ZNF823: variants seen among roughly 807,000 people sequenced by gnomAD.
ZNF823 encodes the protein zinc finger protein 823, also known as ZFP 36 for a zinc finger protein.
A neutral mutation model predicts 11.4 loss-of-function variants in ZNF823; 5 were observed. The observed-to-expected ratio is 0.44, with a 90% CI of 0.23 to 0.92. The LOEUF is 0.92. ZNF823 is among the 40% of genes least tolerant of loss of function. ZNF823 has a pLI of 0.24. For synonymous variants in ZNF823, 234 were observed against 250.5 expected, an observed-to-expected ratio of 0.93 and a Z score of 0.62; for missense variants, 582 against 738.5, an observed-to-expected ratio of 0.79 and a Z score of 2.46.
At position 11,723,163 on chromosome 19, in the gene ZNF823, T is replaced by C; in HGVS notation, c.371A>G (p.Lys124Arg). 1 of 1,614,212 alleles carries C rather than the reference T, an allele frequency of 6.2e-7. No homozygotes were observed. Among genetic ancestry groups the C allele is most frequent in the Non-Finnish European group, 8.5e-7 (1 of 1,180,050 alleles). The change falls in exon 4 of 4, where the codon AAA becomes AGA. Residue 124 changes from lysine (K) to arginine (R), a missense_variant. Physicochemically the swap from Lys to Arg is conservative, Grantham distance 26 (BLOSUM62 2). Around this residue, in one of 3 missense-constraint regions of ZNF823, gnomAD observed 429 missense variants for 553.7 expected, o/e 0.77. Transcript: ENST00000341191. ...TCCATATTCCTGATGCTCACATGAT[T>C]TGTGTCCAGTGTCAACTCTGATGTT... ...NCNIRVDTGH[K>R]SCEHQEYGEK...
chr19:11,721,858 T>C lies in ZNF823; in HGVS notation c.1676A>G (p.Gln559Arg). Residue 559 changes from glutamine to arginine, a missense_variant, in exon 4 of 4, where the codon CAA (glutamine) becomes CGA (arginine). Transcript: ENST00000341191. ...GGAACGAGTGAAGGCTTTACCACAT[T>C]GTAGACATTCATAGGGTTTCTCTCC... ...HTGEKPYECLQCGKAFTRSRF... is the reference protein window; with the variant it reads ...HTGEKPYECLRCGKAFTRSRF... 6.2e-7 allele frequency: 1 copy of C among 1,613,874 alleles called. No individual in the cohort carries two copies.
At position 11,722,568 on chromosome 19, in the gene ZNF823, G is replaced by A; in HGVS notation, c.966C>T (p.His322=). 1 of 1,614,132 alleles carries A rather than the reference G, an allele frequency of 6.2e-7. No individual in the cohort carries two copies. Among genetic ancestry groups the A allele is most frequent in the Non-Finnish European group, 8.5e-7 (1 of 1,180,020 alleles). ...GTCCGTCTCCAGTGTGCCTTATCATGTGTCTTCGAAAGCTTGTGTGATGAT... is the reference window on the plus strand; with the variant it reads ...GTCCGTCTCCAGTGTGCCTTATCATATGTCTTCGAAAGCTTGTGTGATGAT... ...TFYHHTSFRR[H]MIRHTGDGPH... is the part of the protein sequence containing the mutation. Residue 322 remains histidine, a synonymous_variant, in exon 4 of 4, where the codon CAC becomes CAT. Transcript: ENST00000341191. This position sits in a 1 kb window ranked among gnomAD's most constrained non-coding sequence, Gnocchi z 5.2.
chr19:11,727,704 A>C (rs1974817031), intron 1 of ZNF823, among the ~76,000 whole-genome samples: 1 of 152,186 alleles, frequency 6.6e-6, no homozygotes, highest in East Asian at 1.9e-4. Flanking sequence ...AGCTTTGTGG[A>C]GTTTTTATTT....
chr19:11,737,674 G>A (rs1975019042), intron 1 of ZNF823, among the ~76,000 whole-genome samples: 1 of 149,522 alleles, frequency 6.7e-6, no homozygotes, highest in Non-Finnish European at 1.5e-5. Context: ...GCCATACATT[G>A]CTATGTGAAA....
intron 1 of ZNF823, among the ~76,000 whole-genome samples, chr19:11,732,599 A>AT (rs965672034): frequency 2.6e-5 from 4 of 151,584 alleles, no homozygotes; most frequent in Admixed American, 1.3e-4. Flanking sequence ...GCGCCCGGCC[A>AT]TTTTTTTGTA....
Position 11,722,960 on chromosome 19 carries a change from A to G in ZNF823, c.574T>C (p.Tyr192His). ...GCTTTCCCACACAACTTACATTTAT[A>G]AGGTCCATCTCCATGGTGTGCCGCC... ...HMAAHHGDGP[Y>H]KCKLCGKAFV... Residue 192 changes from tyrosine (Y) to histidine (H), a missense_variant, in exon 4 of 4, where the codon TAT (tyrosine) becomes CAT (histidine). Tyr to His is a moderately conservative substitution (Grantham distance 83). This residue lies in a region of ZNF823 where 429 missense variants were observed against 553.7 expected (regional missense o/e 0.77). Coordinates refer to ENST00000341191, the MANE Select transcript of ZNF823 (RefSeq NM_001080493.4). The surrounding 1 kb of genome is among the most constrained non-coding windows in gnomAD (Gnocchi z 5.2). 1.2e-6 allele frequency: 2 copies of G among 1,614,186 alleles called. No individual in the cohort carries two copies. Among genetic ancestry groups the G allele is most frequent in the Non-Finnish European group, 1.7e-6 (2 of 1,180,032 alleles).
At chr19:11,724,085 G>A in intron 3 of ZNF823, 109 bp downstream of exon 3, 1 of 885,188 alleles carries the variant, frequency 1.1e-6, no homozygotes, top group Non-Finnish European at 1.7e-6. Flanking sequence ...TTATTGGAAT[G>A]AATAAATTTA....
Position 11,722,601 on chromosome 19 carries a change from T to C in ZNF823, c.933A>G (p.Lys311=). ...GAAAGCTTGTGTGATGATAAAACGT[T>C]TTCCCACATTGCTTACATGCATAGG... The part of the protein sequence containing the change: ...EQPYACKQCG[K]TFYHHTSFRR... Residue 311 remains lysine (K), a synonymous_variant, in exon 4 of 4, where the codon AAA becomes AAG. Coordinates refer to ENST00000341191, the MANE Select transcript of ZNF823 (RefSeq NM_001080493.4). This position sits in a 1 kb window ranked among gnomAD's most constrained non-coding sequence, Gnocchi z 5.2. 1.9e-6 allele frequency: 3 copies of C among 1,614,178 alleles called. No individual in the cohort carries two copies. The highest frequency in any genetic ancestry group is 2.5e-6 in the Non-Finnish European group (3 of 1,180,034).
In ZNF823 at chr19:11,722,776, C is replaced by T. The variant is rs1020521784; in HGVS notation, c.758G>A (p.Cys253Tyr). 6.2e-7 allele frequency: 1 copy of T among 1,614,008 alleles called. No homozygotes were observed. The highest frequency in any genetic ancestry group is 1.3e-5 in the African/African-American group (1 of 74,914). Residue 253 changes from cysteine (C) to tyrosine (Y), a missense_variant, in exon 4 of 4, where the codon TGT (cysteine) becomes TAT (tyrosine). Cys to Tyr is a radical substitution (Grantham distance 194, BLOSUM62 -2). Around this residue, in one of 3 missense-constraint regions of ZNF823, gnomAD observed 429 missense variants for 553.7 expected, o/e 0.77. Coordinates refer to ENST00000341191, the MANE Select transcript of ZNF823 (RefSeq NM_001080493.4). The surrounding 1 kb of genome is among the most constrained non-coding windows in gnomAD (Gnocchi z 5.2). ...TGEKAYECKQ[C>Y]SKAFPDYSTY... is the part of the protein sequence containing the mutation. ...ACTGTAATCAGGAAAGGCTTTGGAA[C>T]ACTGCTTACATTCATACGCTTTCTC...
At chr19:11,728,903 T>G (rs918227593) in intron 1 of ZNF823, among the ~76,000 whole-genome samples, 2 of 152,172 alleles carry the variant, frequency 1.3e-5, no homozygotes, top group East Asian at 3.8e-4. Flanking sequence ...AAGGGCACAG[T>G]GGCTCACGCC....
intron 1 of ZNF823, among the ~76,000 whole-genome samples, chr19:11,737,255 A>AT (rs879442914): frequency 7.9e-4 from 118 of 149,458 alleles, no homozygotes; most frequent in South Asian, 1.7e-3. Flanking sequence ...CACATGCACT[A>AT]TTTTTTTTTT....
At chr19:11,735,674 C>T (rs556441271) in intron 1 of ZNF823, among the ~76,000 whole-genome samples, 1 of 152,028 alleles carries the variant, frequency 6.6e-6, no homozygotes, top group Non-Finnish European at 1.5e-5. Flanking sequence ...CAGAGTCAGT[C>T]GCCTCAGGCT....
Position 11,722,976 on chromosome 19 carries a change from G to T in ZNF823, c.558C>A (p.His186Gln). Residue 186 changes from histidine to glutamine, a missense_variant, in exon 4 of 4, where the codon CAC (histidine) becomes CAA (glutamine). Physicochemically the swap from His to Gln is conservative, Grantham distance 24. Coordinates refer to ENST00000341191, the MANE Select transcript of ZNF823 (RefSeq NM_001080493.4). The surrounding 1 kb of genome is among the most constrained non-coding windows in gnomAD (Gnocchi z 5.2). ...LGNLRRHMAA[H>Q]HGDGPYKCKL... The stretch of plus-strand genomic sequence containing the variant: ...TACATTTATAAGGTCCATCTCCATG[G>T]TGTGCCGCCATGTGTCTTCGGAGGT... The T allele has an allele frequency of 6.2e-7, 1 of 1,614,220 alleles. No individual in the cohort carries two copies. The highest frequency in any genetic ancestry group is 8.5e-7 in the Non-Finnish European group (1 of 1,180,042).
intron 3 of ZNF823, 54 bp downstream of exon 3, chr19:11,724,140 A>G: frequency 2.8e-6 from 4 of 1,420,718 alleles, no homozygotes; most frequent in Non-Finnish European, 3.8e-6. Flanking sequence ...AAATTTTCTT[A>G]TCATTCTATG....
In ZNF823 at chr19:11,723,058, G is replaced by T; in HGVS notation, c.476C>A (p.Thr159Asn). The stretch of plus-strand genomic sequence containing the variant: ...TTTACAATCGAAGGGTTTCTTTCCG[G>T]TGGGGGGCCTTTCATGTGTCTGGAA... ...HSFQTHERPP[T>N]GKKPFDCKEC... Residue 159 changes from threonine (T) to asparagine (N), a missense_variant, in exon 4 of 4, where the codon ACC becomes AAC. Coordinates refer to ENST00000341191, the MANE Select transcript of ZNF823 (RefSeq NM_001080493.4). 1 of 1,614,172 alleles carries T rather than the reference G, an allele frequency of 6.2e-7. No homozygotes were observed.
intron 1 of ZNF823, among the ~76,000 whole-genome samples, chr19:11,729,943 T>C (rs1974862685): frequency 6.8e-6 from 1 of 146,068 alleles, no homozygotes. Flanking sequence ...TTTTTTTTCC[T>C]TTGAGACGGA....
At chr19:11,733,120 GC>G (rs1238258005) in intron 1 of ZNF823, among the ~76,000 whole-genome samples, 2 of 152,150 alleles carry the variant, frequency 1.3e-5, no homozygotes, top group African/African-American at 4.8e-5. Context: ...TGTAATCCCA[GC>G]ACTTTGGGAG....
intron 2 of ZNF823, among the ~76,000 whole-genome samples, chr19:11,724,764 G>A (rs1159795044): frequency 6.6e-6 from 1 of 151,662 alleles, no homozygotes; most frequent in Non-Finnish European, 1.5e-5. Context: ...GTTTCACCAT[G>A]TTAGCCAGGA....
intron 1 of ZNF823, among the ~76,000 whole-genome samples, chr19:11,736,428 A>G (rs886866913): frequency 7.9e-5 from 12 of 152,316 alleles, no homozygotes; most frequent in African/African-American, 2.9e-4. Context: ...CTGAGGTGGG[A>G]TGATTGCTTG....
Sources: gnomAD v4.1 joint callset for allele counts (sites outside exome capture counted in the v4.1 genomes callset) on GRCh38, gnomAD v4.1.1 for gene constraint, gnomAD v4.1.1 regional missense constraint, Gnocchi (gnomAD v3.1) non-coding constraint, MANE v1.5 for transcripts, NCBI Gene and HGNC (gene_info 2026-07-23, HGNC 2026-07-21) for gene names.